TUSC3: variants seen among roughly 807,000 people sequenced by gnomAD.
TUSC3 encodes tumor suppressor candidate 3.
TUSC3 carries 45 observed loss-of-function variants against 44.8 expected under a neutral mutation model. That is an observed-to-expected ratio of 1.00 (90% CI 0.79 to 1.29). The LOEUF (loss-of-function observed/expected upper bound fraction) is 1.29, where lower values mean the gene tolerates loss of function less well. Among genes scored for constraint, TUSC3 ranks in the 50% most tolerant of loss-of-function variants. TUSC3 has a pLI of 0.00. For missense variants in TUSC3, 519 were observed against 437.9 expected, an observed-to-expected ratio of 1.19 and a Z score of -1.65; for synonymous variants, 212 against 152.9, an observed-to-expected ratio of 1.39 and a Z score of -2.85.
chr8:15,458,692 C>G (rs115029681), intron 1 of TUSC3, among the ~76,000 whole-genome samples: 8 of 152,308 alleles, frequency 5.3e-5, no homozygotes, highest in African/African-American at 1.9e-4. Context: ...GCATGCTCCT[C>G]CTCCCGACTT....
At chr8:15,517,522 CAAAAAAAAAAAAAAAAAAAAAAA>C (rs71211049) in intron 2 of TUSC3, among the ~76,000 whole-genome samples, 1 of 77,554 alleles carries the variant, frequency 1.3e-5, no homozygotes. Flanking sequence ...TAGCGTGAGG[CAAAAAAAAAAAAAAAAAAAAAAA>C]AAAAAAAAAA....
At chr8:15,719,844 G>A (rs1353731331) in intron 6 of TUSC3, among the ~76,000 whole-genome samples, 2 of 152,068 alleles carry the variant, frequency 1.3e-5, no homozygotes, top group Non-Finnish European at 2.9e-5. Context: ...TCGCAGCCTG[G>A]TATGGAGCCA....
intron 2 of TUSC3, among the ~76,000 whole-genome samples, chr8:15,534,816 AAT>A (rs1801501084): frequency 6.6e-6 from 1 of 152,180 alleles, no homozygotes; most frequent in Non-Finnish European, 1.5e-5. Context: ...GACGTACAGG[AAT>A]CAGAAGTGAG....
rs1432331755 is a variant in TUSC3 at position 15,641,812 on chromosome 8, T to C, written c.309-8885T>C. 2.0e-5 allele frequency among the ~76,000 whole-genome samples: 3 copies of C among 152,238 alleles called. No individual in the cohort carries two copies. The South Asian group carries it at 6.2e-4, about 31-fold the overall frequency. Reference sequence around the variant, plus strand: ...CATAATAATAGGTGTAGTGTTACATTGTTTGGAAGTCATGATAAAAGTATT... The same window carrying C: ...CATAATAATAGGTGTAGTGTTACATCGTTTGGAAGTCATGATAAAAGTATT... On this transcript the variant is annotated intron_variant, in intron 2 of 10. Transcript: ENST00000503731.
chr8:15,457,055 A>G (rs910314408), intron 1 of TUSC3, among the ~76,000 whole-genome samples: 1 of 152,030 alleles, frequency 6.6e-6, no homozygotes, highest in African/African-American at 2.4e-5. Flanking sequence ...TTCTCAGCAA[A>G]CTATCGCAAG....
At chr8:15,761,656 G>A (rs1383022784) in intron 10 of TUSC3, among the ~76,000 whole-genome samples, 2 of 152,182 alleles carry the variant, frequency 1.3e-5, no homozygotes, top group Non-Finnish European at 2.9e-5. Context: ...ATGACTGAGC[G>A]TGGAGCAGAG....
chr8:15,582,971 C>T (rs1169284809), intron 1 of TUSC3, among the ~76,000 whole-genome samples: 2 of 152,310 alleles, frequency 1.3e-5, no homozygotes, highest in South Asian at 2.1e-4. Context: ...CAAATCAAAT[C>T]TTACATTTAG....
At chr8:15,780,233 G>A in the TUSC3 span, among the ~76,000 whole-genome samples, 213 of 152,228 alleles carry the variant, frequency 1.4e-3, 1 homozygote, top group African/African-American at 5.1e-3. Context: ...AACCTTAAAT[G>A]GGTAGGCAAA....
chr8:15,637,742 G>C (rs925551212), intron 2 of TUSC3, among the ~76,000 whole-genome samples: 1 of 151,968 alleles, frequency 6.6e-6, no homozygotes, highest in African/African-American at 2.4e-5. Flanking sequence ...GTGGCCTACT[G>C]ATTTCTTAAT....
intron 1 of TUSC3, among the ~76,000 whole-genome samples, chr8:15,459,856 ATGTGTG>A (rs556167735): frequency 1.8e-4 from 25 of 139,526 alleles, no homozygotes; most frequent in Admixed American, 5.7e-4. Flanking sequence ...GTGTGTGTGT[ATGTGTG>A]TGTGTGTGTG....
chr8:15,677,055 C>G (rs1310403903), intron 6 of TUSC3, among the ~76,000 whole-genome samples: 1 of 152,022 alleles, frequency 6.6e-6, no homozygotes, highest in African/African-American at 2.4e-5. Flanking sequence ...GTTAGGGTCT[C>G]ACTCTGTCAC....
At chr8:15,439,473 C>T (rs143509495) in intron 1 of TUSC3, among the ~76,000 whole-genome samples, 1 of 152,188 alleles carries the variant, frequency 6.6e-6, no homozygotes, top group South Asian at 2.1e-4. Flanking sequence ...GGGAGGATCA[C>T]TTGAGCCTAG....
the TUSC3 span, among the ~76,000 whole-genome samples, chr8:15,828,256 A>C: frequency 3.4e-3 from 523 of 152,286 alleles, 1 homozygote; most frequent in Non-Finnish European, 5.5e-3. Context: ...TGGCCTCCCG[A>C]AGTGCTGGGA....
At chr8:15,622,443 T>G (rs1242218040) in intron 1 of TUSC3, among the ~76,000 whole-genome samples, 1 of 150,272 alleles carries the variant, frequency 6.7e-6, no homozygotes, top group African/African-American at 2.4e-5. Context: ...TATAAGAGCC[T>G]TCTATACAGA....
At chr8:15,482,509 A>G (rs2129124603) in intron 1 of TUSC3, among the ~76,000 whole-genome samples, 1 of 152,354 alleles carries the variant, frequency 6.6e-6, no homozygotes, top group South Asian at 2.1e-4. Context: ...TGCTGCTTAG[A>G]AAAGAAAGAT....
chr8:15,497,130 G>T (rs1274033676), intron 2 of TUSC3, among the ~76,000 whole-genome samples: 1 of 152,128 alleles, frequency 6.6e-6, no homozygotes, highest in African/African-American at 2.4e-5. Context: ...GGAATAAAAG[G>T]TATGGTGGTT....
chr8:15,807,596 T>C, the TUSC3 span, among the ~76,000 whole-genome samples: 2 of 152,188 alleles, frequency 1.3e-5, no homozygotes, highest in East Asian at 1.9e-4. Context: ...CTGTTTACTA[T>C]AGCACAGTAA....
intron 6 of TUSC3, among the ~76,000 whole-genome samples, chr8:15,724,747 T>A (rs1161141043): frequency 1.3e-5 from 2 of 152,150 alleles, no homozygotes; most frequent in Middle Eastern, 6.3e-3. Context: ...ACACTAGTAC[T>A]TTTTCATGAT....
At chr8:15,544,293 ATTGTT>A (rs1046352778) in intron 1 of TUSC3, among the ~76,000 whole-genome samples, 4 of 151,768 alleles carry the variant, frequency 2.6e-5, no homozygotes, top group Non-Finnish European at 5.9e-5. Flanking sequence ...TTCATTTAGA[ATTGTT>A]TTAATTTATA....
Sources: gnomAD v4.1 joint callset for allele counts (sites outside exome capture counted in the v4.1 genomes callset) on GRCh38, gnomAD v4.1.1 for gene constraint, MANE v1.5 for transcripts, NCBI Gene and HGNC (gene_info 2026-07-23, HGNC 2026-07-21) for gene names.